Variants in POU2F1 observed in about 807,000 individuals in gnomAD.
POU2F1 encodes the protein POU class 2 homeobox 1.
POU2F1 carries 16 observed loss-of-function variants against 84.9 expected under a neutral mutation model. The observed-to-expected ratio is 0.19, with a 90% CI of 0.13 to 0.29. The LOEUF (loss-of-function observed/expected upper bound fraction) is 0.29. POU2F1 is among the 10% of genes least tolerant of loss of function. The pLI, the probability that POU2F1 is intolerant of heterozygous loss-of-function variation, is 1.00. For synonymous variants in POU2F1, 368 were observed against 368.3 expected (o/e 1.00, Z 0.01); for missense variants, 738 against 942.6 (o/e 0.78, Z 2.84).
At chr1:167,396,552 C>A in intron 10 of POU2F1, 125 bp downstream of exon 10, 1 of 899,632 alleles carries the variant, frequency 1.1e-6, no homozygotes, top group Non-Finnish European at 1.7e-6. Flanking sequence ...GCTTACTAAT[C>A]CTGGGAGGAT....
intron 1 of POU2F1, among the ~76,000 whole-genome samples, chr1:167,248,650 G>GA (rs1052662309): frequency 2.6e-5 from 4 of 152,202 alleles, no homozygotes; most frequent in Non-Finnish European, 1.5e-5. Flanking sequence ...AGAGCTGAGG[G>GA]ATAATAGGAA....
intron 9 of POU2F1, among the ~76,000 whole-genome samples, chr1:167,390,034 G>C (rs537458206): frequency 2.0e-5 from 3 of 152,300 alleles, no homozygotes; most frequent in African/African-American, 4.8e-5. Context: ...GAGGATACAC[G>C]TATGTTATAT....
intron 1 of POU2F1, among the ~76,000 whole-genome samples, chr1:167,229,851 A>G (rs1281801495): frequency 6.6e-6 from 1 of 152,168 alleles, no homozygotes; most frequent in Middle Eastern, 3.2e-3. Context: ...AAAACTTTAT[A>G]CAGTGGAGGT....
At chr1:167,256,821 A>G (rs533244923) in intron 1 of POU2F1, among the ~76,000 whole-genome samples, 1 of 152,234 alleles carries the variant, frequency 6.6e-6, no homozygotes, top group South Asian at 2.1e-4. Context: ...GTGAATGCCT[A>G]TTGATATATT....
intron 1 of POU2F1, among the ~76,000 whole-genome samples, chr1:167,320,635 GCAGT>G (rs34917251): frequency 0.012 from 1,838 of 152,210 alleles, 14 homozygotes; most frequent in South Asian, 0.027. Context: ...ATCCAAATAA[GCAGT>G]CAAAGTCCGT....
chr1:167,328,380 G>A (rs967204033), intron 1 of POU2F1, among the ~76,000 whole-genome samples: 10 of 152,276 alleles, frequency 6.6e-5, no homozygotes, highest in South Asian at 4.1e-4. Context: ...TTCTCTTGAC[G>A]GAAGTGTGTT....
chr1:167,370,460 C>T (rs1215169829), intron 4 of POU2F1, among the ~76,000 whole-genome samples: 1 of 152,118 alleles, frequency 6.6e-6, no homozygotes, highest in South Asian at 2.1e-4. Flanking sequence ...TGTGTAAGTT[C>T]AGTAAAAATG....
intron 1 of POU2F1, among the ~76,000 whole-genome samples, chr1:167,284,136 TA>T: frequency 6.6e-6 from 1 of 152,226 alleles, no homozygotes; most frequent in African/African-American, 2.4e-5. Context: ...TTTATTTCCT[TA>T]ATGATTCAAC....
chr1:167,318,008 A>G (rs141531539), intron 1 of POU2F1, among the ~76,000 whole-genome samples: 106 of 152,286 alleles, frequency 7.0e-4, no homozygotes, highest in African/African-American at 2.4e-3. Context: ...AAGAGTTTTT[A>G]TCCATTTTAA....
At chr1:167,365,746 A>G (rs914577969) in intron 3 of POU2F1, among the ~76,000 whole-genome samples, 179 bp downstream of exon 3, 2 of 152,236 alleles carry the variant, frequency 1.3e-5, no homozygotes, top group African/African-American at 2.4e-5. Flanking sequence ...TTGAGTGTAT[A>G]GTCATTGACC....
At chr1:167,255,819 G>A (rs1246218396) in intron 1 of POU2F1, among the ~76,000 whole-genome samples, 3 of 152,192 alleles carry the variant, frequency 2.0e-5, no homozygotes, top group Non-Finnish European at 4.4e-5. Flanking sequence ...TATGGTTGAT[G>A]TGCCAAACAT....
At chr1:167,411,599 A>G (rs751904170) in intron 13 of POU2F1, among the ~76,000 whole-genome samples, 4 of 152,140 alleles carry the variant, frequency 2.6e-5, no homozygotes, top group South Asian at 2.1e-4. Context: ...GAGATTTCTG[A>G]ATGAAAAGAG....
intron 2 of POU2F1, among the ~76,000 whole-genome samples, chr1:167,335,924 T>C (rs539103957): frequency 6.6e-5 from 10 of 152,340 alleles, no homozygotes; most frequent in Non-Finnish European, 1.2e-4. Flanking sequence ...GCTCCACTTA[T>C]ATGCAAATAT....
rs1013958945 is a variant in POU2F1 at position 167,421,840 on chromosome 1, C to T, written c.*6030C>T. Reference sequence around the variant, plus strand: ...TAGTTGAACTAATGTTTATTATGATCGATAAACAAGATTGATGCTGTATGT... The same window carrying T: ...TAGTTGAACTAATGTTTATTATGATTGATAAACAAGATTGATGCTGTATGT... On this transcript the variant is annotated 3_prime_UTR_variant, in exon 16 of 16. Coordinates refer to ENST00000367866, the MANE Select transcript of POU2F1 (RefSeq NM_002697.4). 1 of 140,580 alleles carries T rather than the reference C, an allele frequency of 7.1e-6. No individual in the cohort carries two copies. The highest frequency in any genetic ancestry group is 1.5e-5 in the Non-Finnish European group (1 of 66,858). 8.7% of individuals were successfully genotyped at this position (140,580 alleles called of 1,614,324 possible).
intron 1 of POU2F1, among the ~76,000 whole-genome samples, chr1:167,325,525 T>C (rs78395458): frequency 0.026 from 4,017 of 152,270 alleles, 173 homozygotes; most frequent in African/African-American, 0.089. Flanking sequence ...GATTTAGTTG[T>C]CATTGCCCTC....
Position 167,401,507 on chromosome 1 carries a change from C to T in POU2F1, c.1506C>T (p.Ser502=). Residue 502 remains serine (S), a synonymous_variant, in exon 13 of 16, where the codon AGC becomes AGT. Coordinates refer to ENST00000367866, the MANE Select transcript of POU2F1 (RefSeq NM_002697.4). ...GTGCAGCAACTACCCTCACAGTCAG[C>T]CCTGTCCTCCCTCTGACCAGTGCTG... is the stretch of plus-strand genomic sequence containing the variant. ...TSSAATTLTV[S]PVLPLTSAAV... is the part of the protein sequence containing the mutation. The T allele has an allele frequency of 1.2e-6, 2 of 1,613,272 alleles. No homozygotes were observed. The highest frequency in any genetic ancestry group is 1.7e-6 in the Non-Finnish European group (2 of 1,179,742).
chr1:167,306,398 A>G (rs1427599719), intron 1 of POU2F1, among the ~76,000 whole-genome samples: 4 of 152,212 alleles, frequency 2.6e-5, no homozygotes, highest in African/African-American at 9.6e-5. Context: ...AGCATCGCTT[A>G]AAATTTTTTC....
chr1:167,244,607 C>T (rs1650173375), intron 1 of POU2F1, among the ~76,000 whole-genome samples: 1 of 152,140 alleles, frequency 6.6e-6, no homozygotes, highest in Non-Finnish European at 1.5e-5. Flanking sequence ...TCACTTGGTC[C>T]ACCCCACACT....
Position 167,285,261 on chromosome 1 carries a change from G to A in POU2F1, c.62-47209G>A, listed in dbSNP as rs1653436302. On this transcript the variant is annotated intron_variant, in intron 1 of 15. Coordinates refer to ENST00000367866, the MANE Select transcript of POU2F1 (RefSeq NM_002697.4). The stretch of plus-strand genomic sequence containing the variant: ...GTATCTGGTACATGGAGGGTGTTGA[G>A]TAAATGTTTACCCGGTAAAAAATGG... 2.6e-5 allele frequency among the ~76,000 whole-genome samples: 4 copies of A among 152,314 alleles called. No individual in the cohort carries two copies. In the South Asian group the frequency reaches 8.3e-4, roughly 32 times the overall value.
Sources: allele counts gnomAD v4.1 joint callset (sites outside exome capture counted in the v4.1 genomes callset), GRCh38; gene constraint gnomAD v4.1.1; transcripts MANE v1.5; gene names NCBI Gene and HGNC (gene_info 2026-07-23, HGNC 2026-07-21).